Variants in AMOT observed in about 807,000 individuals in gnomAD.
The protein encoded by AMOT is angiomotin.
In AMOT, 11 loss-of-function variants were observed where a neutral mutation model predicts 67.0. That is an observed-to-expected ratio of 0.16 (90% CI 0.10 to 0.27). The LOEUF is 0.27. Ranked by LOEUF, AMOT falls within the 10% of genes least tolerant of loss-of-function variation. The probability of loss-of-function intolerance (pLI) is 1.00; values close to 1 mark genes in which losing one functional copy is unlikely to be tolerated. For synonymous variants in AMOT, 326 were observed against 321.4 expected, an observed-to-expected ratio of 1.01 and a Z score of -0.15; for missense variants, 753 against 852.0, an observed-to-expected ratio of 0.88 and a Z score of 1.45.
At chrX:112,810,052 T>G in intron 6 of AMOT, 66 bp from the exon 7 acceptor site, 20 of 888,591 alleles carry the variant, frequency 2.3e-5, no homozygotes, top group Non-Finnish European at 3.1e-5. Context: ...CTATTGGCCC[T>G]CTAAATACTG....
chrX:112,815,325 A>G (rs368132504), intron 5 of AMOT, 33 bp downstream of exon 5: 58 of 1,171,127 alleles, frequency 5.0e-5, no homozygotes, highest in Non-Finnish European at 6.3e-5. Flanking sequence ...ATAAAGACTT[A>G]GAGACCCTAA....
chrX:112,806,811 CAG>C (rs1934206092), intron 7 of AMOT, among the ~76,000 whole-genome samples: 1 of 111,896 alleles, frequency 8.9e-6, no homozygotes, highest in Non-Finnish European at 1.9e-5. Context: ...ATGAGAATAT[CAG>C]AATATTACAC....
In AMOT at chrX:112,822,597, C is replaced by T. The variant is rs1361666745; in HGVS notation, c.530G>A (p.Arg177Gln). The change falls in exon 4 of 14, where the codon CGA becomes CAA. Residue 177 changes from arginine (R) to glutamine (Q), a missense_variant. Arg to Gln is a conservative substitution (Grantham distance 43). Around this residue, in one of 5 missense-constraint regions of AMOT, gnomAD observed 3 missense variants for 27.9 expected, o/e 0.11. Coordinates refer to ENST00000371959, the MANE Select transcript of AMOT (RefSeq NM_001113490.2). ...GGTGGCCAGTGACATCTGCATTAGTCGTTCACTCAAGGAACGGACATGCCC... is the reference window on the plus strand; with the variant it reads ...GGTGGCCAGTGACATCTGCATTAGTTGTTCACTCAAGGAACGGACATGCCC... ...KQGHVRSLSERLMQMSLATSG... is the reference protein window; with the variant it reads ...KQGHVRSLSEQLMQMSLATSG... 19 of 1,167,384 alleles carry T rather than the reference C, an allele frequency of 1.6e-5. No individual in the cohort carries two copies. Among genetic ancestry groups the T allele is most frequent in the Non-Finnish European group, 2.2e-5 (19 of 873,008 alleles).
chrX:112,817,910 G>A (rs1437673485), intron 4 of AMOT, among the ~76,000 whole-genome samples: 1 of 111,551 alleles, frequency 9.0e-6, no homozygotes, highest in African/African-American at 3.3e-5. Flanking sequence ...TGGATCTTCA[G>A]TTTCCTCACA....
intron 5 of AMOT, among the ~76,000 whole-genome samples, chrX:112,813,892 C>T (rs749442935): frequency 3.6e-5 from 4 of 111,710 alleles, no homozygotes; most frequent in East Asian, 2.8e-4. Context: ...AGGGAAAAGC[C>T]GGGAAGAAAC....
At chrX:112,824,244 C>A (rs1168328256) in intron 3 of AMOT, among the ~76,000 whole-genome samples, 4 of 112,015 alleles carry the variant, frequency 3.6e-5, no homozygotes, top group Non-Finnish European at 7.5e-5. Flanking sequence ...TTCAAAAATT[C>A]TTTGGGCAGA....
chrX:112,779,498 G>A lies in AMOT; in HGVS notation c.2656C>T (p.Pro886Ser). The change falls in exon 13 of 14, where the codon CCA becomes TCA. Residue 886 changes from proline (P) to serine (S), a missense_variant. Pro to Ser is a moderately conservative substitution (Grantham distance 74). Transcript: ENST00000371959. ...AAVAPISVPA[P>S]VAAAATAAAI... ...GCAGCAGTGGCGGCAGCAGCAACTG[G>A]AGCAGGAACAGAGATGGGAGCAACA... is the stretch of plus-strand genomic sequence containing the variant. 1 of 1,210,356 alleles carries A rather than the reference G, an allele frequency of 8.3e-7. No homozygotes were observed. Among genetic ancestry groups the A allele is most frequent in the Non-Finnish European group, 1.1e-6 (1 of 894,868 alleles).
At chrX:112,791,746 G>A in intron 9 of AMOT, 86 bp downstream of exon 9, 1 of 1,118,819 alleles carries the variant, frequency 8.9e-7, no homozygotes, top group Non-Finnish European at 1.2e-6. Flanking sequence ...CAGTGTTCAT[G>A]TCAAATGCTA....
At chrX:112,788,643 T>C (rs542687215) in intron 10 of AMOT, among the ~76,000 whole-genome samples, 1 of 112,221 alleles carries the variant, frequency 8.9e-6, no homozygotes, top group East Asian at 2.8e-4. Flanking sequence ...TCCCATATTT[T>C]ACAGAAATTT....
intron 2 of AMOT, among the ~76,000 whole-genome samples, chrX:112,830,450 A>G (rs377232937): frequency 3.9e-4 from 44 of 112,715 alleles, no homozygotes; most frequent in African/African-American, 1.3e-3. Flanking sequence ...ACCTTTTTCA[A>G]TATTGTAGAT....
At chrX:112,830,258 C>T (rs189528245) in intron 2 of AMOT, among the ~76,000 whole-genome samples, 3 of 111,885 alleles carry the variant, frequency 2.7e-5, no homozygotes, top group African/African-American at 9.7e-5. Context: ...CTGCATTTCA[C>T]CTCACCATAA....
At chrX:112,788,919 T>G (rs1299849113) in intron 10 of AMOT, among the ~76,000 whole-genome samples, 1 of 112,250 alleles carries the variant, frequency 8.9e-6, no homozygotes, top group Admixed American at 9.4e-5. Context: ...ATTCTGAAAA[T>G]CCATCTGAAA....
rs774085834 is a variant in AMOT at position 112,778,920 on chromosome X, A to G, written c.3157+77T>C. ...CAGTCCAAATGATAACTCTGCCCAG[A>G]CATCAGACAACAAGAAATAAATCTG... is the stretch of plus-strand genomic sequence containing the variant. On this transcript the variant is annotated intron_variant, in intron 13 of 13. Coordinates refer to ENST00000371959, the MANE Select transcript of AMOT (RefSeq NM_001113490.2). 82 of 997,776 alleles carry G rather than the reference A, an allele frequency of 8.2e-5. No homozygotes were observed. The African/African-American group carries it at 1.5e-3, about 18-fold the overall frequency. The allele number at this position is 997,776 out of a possible 1,213,427, so 82.2% of individuals were successfully genotyped here. A position where few individuals can be genotyped will look rare whatever the true frequency, so the allele number is the denominator to read the frequency against.
At position 112,781,046 on chromosome X, in the gene AMOT, C is replaced by T. The variant is rs1933146467; in HGVS notation, c.2313G>A (p.Lys771=). The change falls in exon 12 of 14, where the codon AAG becomes AAA. Residue 771 remains lysine, a synonymous_variant. Coordinates refer to ENST00000371959, the MANE Select transcript of AMOT (RefSeq NM_001113490.2). ...ACAGCTGCTCTGTCTTGCTCGGCTC[C>T]TTCCGGGAACGCTGCTGGAGTACTT... The part of the protein sequence containing the change: ...MIKVLQQRSR[K]EPSKTEQLSC... 6 of 1,212,050 alleles carry T rather than the reference C, an allele frequency of 5.0e-6. No homozygotes were observed. Among genetic ancestry groups the T allele is most frequent in the Non-Finnish European group, 6.7e-6 (6 of 895,631 alleles).
At chrX:112,803,129 C>A (rs1189059959) in intron 8 of AMOT, among the ~76,000 whole-genome samples, 1 of 111,699 alleles carries the variant, frequency 9.0e-6, no homozygotes, top group African/African-American at 3.3e-5. Context: ...TTTTAAAAAA[C>A]TTAAAAGATG....
At chrX:112,792,492 C>G (rs912927460) in intron 8 of AMOT, among the ~76,000 whole-genome samples, 2 of 112,351 alleles carry the variant, frequency 1.8e-5, no homozygotes, top group Non-Finnish European at 3.8e-5. Context: ...AAAGGGTGAT[C>G]AACTGCTGAA....
In AMOT at chrX:112,778,562, G is replaced by A; in HGVS notation, c.*5C>T. ...CTGATAATCTGCAGCTCTTGATTTG[G>A]CCGTTTAGATGAGATATTCCACCAT... On this transcript the variant is annotated 3_prime_UTR_variant, in exon 14 of 14. Transcript: ENST00000371959. 8.4e-7 allele frequency: 1 copy of A among 1,189,406 alleles called. No homozygotes were observed. Among genetic ancestry groups the A allele is most frequent in the Non-Finnish European group, 1.1e-6 (1 of 882,075 alleles).
At chrX:112,783,220 G>A (rs1354956154) in intron 10 of AMOT, among the ~76,000 whole-genome samples, 2 of 108,021 alleles carry the variant, frequency 1.9e-5, no homozygotes, top group Non-Finnish European at 3.8e-5. Context: ...ACTTGAACCC[G>A]GGAGGTGAAG....
intron 7 of AMOT, among the ~76,000 whole-genome samples, chrX:112,809,291 A>C (rs1934281857): frequency 1.8e-5 from 2 of 111,754 alleles, no homozygotes; most frequent in Admixed American, 1.9e-4. Context: ...GACACTGATA[A>C]AGAAAAGGAT....
Sources: gnomAD v4.1 joint callset for allele counts (sites outside exome capture counted in the v4.1 genomes callset) on GRCh38, gnomAD v4.1.1 for gene constraint, gnomAD v4.1.1 regional missense constraint, MANE v1.5 for transcripts, NCBI Gene and HGNC (gene_info 2026-07-23, HGNC 2026-07-21) for gene names.